Variants in CNTNAP4 observed in about 807,000 individuals in gnomAD.
CNTNAP4 encodes the protein contactin associated protein family member 4.
In CNTNAP4, 98 loss-of-function variants were observed where a neutral mutation model predicts 148.4. The ratio of observed to expected loss-of-function variants is 0.66; its 90% CI spans 0.56 to 0.78. CNTNAP4 has a LOEUF of 0.78. Ranked by LOEUF, CNTNAP4 falls within the 30% of genes least tolerant of loss-of-function variation. CNTNAP4 has a pLI of 0.00. For synonymous variants in CNTNAP4, 730 were observed against 565.1 expected (o/e 1.29, Z -4.14); for missense variants, 1,935 against 1,565.6 (o/e 1.24, Z -3.98).
intron 2 of CNTNAP4, among the ~76,000 whole-genome samples, chr16:76,334,185 A>AATAATAATG (rs1172574659): frequency 1.3e-5 from 2 of 150,906 alleles, no homozygotes; most frequent in African/African-American, 4.9e-5. Flanking sequence ...GTATAATAAT[A>AATAATAATG]ATAATAATAA....
In CNTNAP4 at chr16:76,462,152, T is replaced by A. The variant is rs771129472; in HGVS notation, c.1483+47T>A. The A allele has an allele frequency of 2.0e-6, 3 of 1,528,316 alleles. No individual in the cohort carries two copies. The Admixed American group carries it at 5.5e-5, about 28-fold the overall frequency. 94.7% of individuals were successfully genotyped at this position (1,528,316 alleles called of 1,614,324 possible). ...TATGAGCAACTGAACCATATTTGCA[T>A]TAGTGCCCCCGTGTCTTGGCGAAGT... On this transcript the variant is annotated intron_variant, in intron 9 of 23. Coordinates refer to ENST00000611870, the MANE Select transcript of CNTNAP4 (RefSeq NM_033401.5).
In CNTNAP4 at chr16:76,509,532, T is replaced by C. The variant is rs559333300; in HGVS notation, c.2365+10838T>C. Among the ~76,000 whole-genome samples the C allele has an allele frequency of 4.9e-4, 48 of 97,988 alleles. 7 individuals carry two copies. Among genetic ancestry groups the C allele is most frequent in the African/African-American group, 1.0e-3 (40 of 39,070 alleles). 64.3% of individuals were successfully genotyped at this position (97,988 alleles called of 152,430 possible). ...AAATTTATATATCTAACGAAGTATA[T>C]TCAACGTAAGTGATCCCGCTAAACT... On this transcript the variant is annotated intron_variant, in intron 15 of 23. Coordinates refer to ENST00000611870, the MANE Select transcript of CNTNAP4 (RefSeq NM_033401.5).
At chr16:76,293,282 G>A (rs546468793) in intron 1 of CNTNAP4, among the ~76,000 whole-genome samples, 4 of 151,980 alleles carry the variant, frequency 2.6e-5, no homozygotes, top group Non-Finnish European at 5.9e-5. Context: ...GTGCCATCAC[G>A]CCCAGCTAAT....
chr16:76,389,191 C>G (rs942186140), intron 3 of CNTNAP4, among the ~76,000 whole-genome samples: 2 of 152,174 alleles, frequency 1.3e-5, no homozygotes, highest in East Asian at 1.9e-4. Context: ...ATGAGCAGAA[C>G]AAGCTTTCTG....
intron 2 of CNTNAP4, among the ~76,000 whole-genome samples, chr16:76,336,912 A>G (rs1170990773): frequency 6.6e-6 from 1 of 152,196 alleles, no homozygotes; most frequent in Non-Finnish European, 1.5e-5. Context: ...ACCTCTACTC[A>G]TGAATTAAAT....
At chr16:76,466,145 G>A (rs999002815) in intron 9 of CNTNAP4, among the ~76,000 whole-genome samples, 8 of 152,054 alleles carry the variant, frequency 5.3e-5, no homozygotes, top group Non-Finnish European at 7.4e-5. Flanking sequence ...CAATTGTTTT[G>A]ATTTTTAGGT....
chr16:76,336,408 C>T (rs1037947569), intron 2 of CNTNAP4, among the ~76,000 whole-genome samples: 7 of 152,074 alleles, frequency 4.6e-5, no homozygotes, highest in African/African-American at 7.2e-5. Context: ...ATTTACACCA[C>T]GGGAATTGAC....
intron 13 of CNTNAP4, among the ~76,000 whole-genome samples, chr16:76,494,472 G>T (rs1460567305): frequency 3.3e-5 from 5 of 151,994 alleles, no homozygotes; most frequent in Admixed American, 6.6e-5. Flanking sequence ...GATAAATCAG[G>T]GACTTTACAT....
At chr16:76,463,991 A>G (rs1196451653) in intron 9 of CNTNAP4, among the ~76,000 whole-genome samples, 1 of 152,180 alleles carries the variant, frequency 6.6e-6, no homozygotes, top group Admixed American at 6.5e-5. Context: ...ACATCAGAAT[A>G]TGCTTGACCT....
chr16:76,483,532 C>T (rs1175441974), intron 12 of CNTNAP4, among the ~76,000 whole-genome samples: 1 of 152,122 alleles, frequency 6.6e-6, no homozygotes, highest in Non-Finnish European at 1.5e-5. Context: ...GTAGCTCACG[C>T]CTGAGCAAAG....
At chr16:76,360,937 C>G (rs1248032502) in intron 3 of CNTNAP4, among the ~76,000 whole-genome samples, 1 of 151,686 alleles carries the variant, frequency 6.6e-6, no homozygotes, top group Non-Finnish European at 1.5e-5. Flanking sequence ...CTGCCTCAGC[C>G]TCCCTAGTAG....
At chr16:76,319,533 C>T (rs941528647) in intron 2 of CNTNAP4, among the ~76,000 whole-genome samples, 3 of 152,042 alleles carry the variant, frequency 2.0e-5, no homozygotes, top group South Asian at 4.2e-4. Flanking sequence ...ACCCAAATAC[C>T]GATGAAGGTG....
At chr16:76,535,523 A>C (rs2084176835) in intron 17 of CNTNAP4, 22 bp from the exon 18 acceptor site, 2 of 1,609,864 alleles carry the variant, frequency 1.2e-6, no homozygotes, top group African/African-American at 1.3e-5. Flanking sequence ...ACATGTTTCC[A>C]TTTGCAGTAT....
intron 3 of CNTNAP4, among the ~76,000 whole-genome samples, chr16:76,401,496 G>A (rs763249727): frequency 6.6e-6 from 1 of 152,148 alleles, no homozygotes; most frequent in Non-Finnish European, 1.5e-5. Context: ...TGCAAACAGG[G>A]ATAGTTTGAC....
chr16:76,523,639 G>C (rs867491701), intron 17 of CNTNAP4, among the ~76,000 whole-genome samples: 3 of 152,144 alleles, frequency 2.0e-5, no homozygotes, highest in Admixed American at 6.6e-5. Context: ...TAAGTTATTA[G>C]AAATTGTACT....
At chr16:76,460,072 CTTT>C (rs914167337) in intron 8 of CNTNAP4, among the ~76,000 whole-genome samples, 12 of 151,882 alleles carry the variant, frequency 7.9e-5, no homozygotes, top group African/African-American at 2.4e-4. Flanking sequence ...ATTAAAAAAA[CTTT>C]TTATTTGTTT....
chr16:76,328,026 G>C (rs1963163692), intron 2 of CNTNAP4, among the ~76,000 whole-genome samples: 1 of 152,136 alleles, frequency 6.6e-6, no homozygotes, highest in Admixed American at 6.5e-5. Context: ...CAGTGAAGTG[G>C]AACGAAATGC....
At chr16:76,400,554 T>A (rs2078372517) in intron 3 of CNTNAP4, among the ~76,000 whole-genome samples, 1 of 152,194 alleles carries the variant, frequency 6.6e-6, no homozygotes, top group Admixed American at 6.5e-5. Context: ...CTAGATCCCA[T>A]TTGTCAATAT....
chr16:76,427,826 A>G (rs899440695), intron 4 of CNTNAP4, among the ~76,000 whole-genome samples: 2 of 152,196 alleles, frequency 1.3e-5, no homozygotes, highest in African/African-American at 4.8e-5. Flanking sequence ...ATGGATAGAT[A>G]CATATTTACT....
Sources: allele counts gnomAD v4.1 joint callset (sites outside exome capture counted in the v4.1 genomes callset), GRCh38; gene constraint gnomAD v4.1.1; transcripts MANE v1.5; gene names NCBI Gene and HGNC (gene_info 2026-07-23, HGNC 2026-07-21).